The following CEP170B variants were observed in gnomAD, a reference collection of about 807,000 sequenced individuals.
CEP170B encodes centrosomal protein of 170 kDa protein B.
CEP170B carries 55 observed loss-of-function variants against 120.6 expected under a neutral mutation model. The ratio of observed to expected loss-of-function variants is 0.46; its 90% CI spans 0.37 to 0.57. The LOEUF is 0.57. CEP170B is among the 20% of genes least tolerant of loss of function. The probability of loss-of-function intolerance (pLI) is 0.00; values close to 1 mark genes in which losing one functional copy is unlikely to be tolerated. For synonymous variants in CEP170B, 1,033 were observed against 954.5 expected (o/e 1.08, Z -1.52); for missense variants, 2,212 against 2,253.3 (o/e 0.98, Z 0.37).
At position 104,886,501 on chromosome 14, in the gene CEP170B, C is replaced by G. The variant is rs376336852; in HGVS notation, c.2262C>G (p.Asp754Glu). 4 of 1,508,912 alleles carry G rather than the reference C, an allele frequency of 2.7e-6. No individual in the cohort carries two copies. The highest frequency in any genetic ancestry group is 3.5e-6 in the Non-Finnish European group (4 of 1,132,904). The allele number at this position is 1,508,912 out of a possible 1,614,324, so 93.5% of individuals were successfully genotyped here. ...PDSLSDASGS[D>E]GGRGPEPGVE... is the part of the protein sequence containing the mutation. ...GCCTCAGCGATGCCAGTGGGTCGGACGGGGGCCGAGGCCCCGAGCCAGGGG... is the reference window on the plus strand; with the variant it reads ...GCCTCAGCGATGCCAGTGGGTCGGAGGGGGGCCGAGGCCCCGAGCCAGGGG... The change falls in exon 12 of 19, where the codon GAC becomes GAG. Residue 754 changes from aspartate (D) to glutamate (E), a missense_variant. By Grantham distance (45) the Asp-to-Glu change is conservative. Around this residue, in one of 2 missense-constraint regions of CEP170B, gnomAD observed 2,166 missense variants for 2,166.7 expected, o/e 1.00. Coordinates refer to ENST00000414716, the MANE Select transcript of CEP170B (RefSeq NM_001112726.3).
rs75094851 is a variant in CEP170B, at chr14:104,880,485, C to T, written c.472+60C>T. Reference sequence around the variant, plus strand: ...AGGGCCACTGCCAGGCCCTCTGCCCCGCACCTGCCTCTCTGCACCCCTTAA... The same window carrying T: ...AGGGCCACTGCCAGGCCCTCTGCCCTGCACCTGCCTCTCTGCACCCCTTAA... On this transcript the variant is annotated intron_variant, in intron 6 of 18. Transcript: ENST00000414716. 581 of 1,580,264 alleles carry T rather than the reference C, an allele frequency of 3.7e-4. 5 individuals are homozygous for T. The East Asian group carries it at 0.013, about 34-fold the overall frequency.
chr14:104,876,695 G>A (rs964753793), intron 3 of CEP170B, among the ~76,000 whole-genome samples: 6 of 152,222 alleles, frequency 3.9e-5, no homozygotes, highest in Non-Finnish European at 7.3e-5. Flanking sequence ...GTCTCAGGCC[G>A]CCAAGGATCA....
intron 2 of CEP170B, among the ~76,000 whole-genome samples, chr14:104,874,217 G>A (rs984437506): frequency 6.6e-6 from 1 of 152,188 alleles, no homozygotes; most frequent in Admixed American, 6.5e-5. Flanking sequence ...AAGTCCAATG[G>A]AGGAGGTGAT....
At chr14:104,892,395 C>A (rs1378120909) in intron 13 of CEP170B, among the ~76,000 whole-genome samples, 4 of 152,154 alleles carry the variant, frequency 2.6e-5, no homozygotes, top group Non-Finnish European at 5.9e-5. Context: ...CTAGGCTGAG[C>A]TGCCATTGGC....
At chr14:104,869,818 C>T (rs1477024906) in intron 2 of CEP170B, among the ~76,000 whole-genome samples, 1 of 152,206 alleles carries the variant, frequency 6.6e-6, no homozygotes. Context: ...GCCTAGATCT[C>T]GGGCTTCCAG....
At chr14:104,878,018 A>G (rs1595328500) in intron 4 of CEP170B, 55 bp downstream of exon 4, 1 of 1,374,720 alleles carries the variant, frequency 7.3e-7, no homozygotes, top group Non-Finnish European at 1.0e-6. Flanking sequence ...CCCCAGGACC[A>G]CAGTCACCCT....
At chr14:104,875,974 A>T (rs147269803) in intron 2 of CEP170B, among the ~76,000 whole-genome samples, 4 of 152,236 alleles carry the variant, frequency 2.6e-5, no homozygotes, top group African/African-American at 7.2e-5. Context: ...CGTGTGCCAG[A>T]TGACCAGAGG....
In CEP170B at chr14:104,885,455, T is replaced by C. The variant is rs1364431550; in HGVS notation, c.1857T>C (p.Ser619=). Residue 619 remains serine, a synonymous_variant, in exon 10 of 19, where the codon TCT becomes TCC. Coordinates refer to ENST00000414716, the MANE Select transcript of CEP170B (RefSeq NM_001112726.3). The part of the protein sequence containing the change: ...RPVIRGDRDE[S]DDGGVAQRMA... ...TCATCAGAGGGGACAGAGATGAGTC[T>C]GATGACGGGGGCGTGGCCCAGCGGA... The C allele has an allele frequency of 6.4e-7, 1 of 1,563,542 alleles. No individual in the cohort carries two copies. Among genetic ancestry groups the C allele is most frequent in the East Asian group, 2.4e-5 (1 of 42,102 alleles).
At chr14:104,889,264 G>T (rs532333570) in intron 12 of CEP170B, among the ~76,000 whole-genome samples, 1 of 152,312 alleles carries the variant, frequency 6.6e-6, no homozygotes, top group South Asian at 2.1e-4. Flanking sequence ...CTGCTCCCGG[G>T]TTGCAGCCAC....
intron 2 of CEP170B, among the ~76,000 whole-genome samples, chr14:104,871,175 C>A (rs1045832654): frequency 6.6e-6 from 1 of 152,174 alleles, no homozygotes; most frequent in Admixed American, 6.5e-5. Context: ...GCTGCTTCCC[C>A]GAGGCCCTAT....
chr14:104,885,101 C>T (rs1466939845), intron 9 of CEP170B, among the ~76,000 whole-genome samples: 6 of 152,002 alleles, frequency 3.9e-5, no homozygotes, highest in Admixed American at 6.5e-5. Context: ...TGTCCTGCTC[C>T]GGCCCAGCCC....
rs1006296516 is a variant in CEP170B at position 104,865,908 on chromosome 14, C to T, written c.-28+395C>T. Among the ~76,000 whole-genome samples, 2 of 152,156 alleles carry T rather than the reference C, an allele frequency of 1.3e-5. No individual in the cohort carries two copies. The highest frequency in any genetic ancestry group is 1.5e-5 in the Non-Finnish European group (1 of 68,006). On this transcript the variant is annotated intron_variant, in intron 1 of 18. Coordinates refer to ENST00000414716, the MANE Select transcript of CEP170B (RefSeq NM_001112726.3). The surrounding 1 kb of genome is among the most constrained non-coding windows in gnomAD (Gnocchi z 6.7). ...CGGTCCCTCCCTCCGTCTTCCTCCT[C>T]CTCCCCTCTCTCCTCATTTCCCTTC... is the stretch of plus-strand genomic sequence containing the variant.
In CEP170B at chr14:104,883,171, GC is replaced by G; in HGVS notation, c.720del (p.Glu241ArgfsTer41). On this transcript the variant is annotated frameshift_variant, in exon 8 of 19. Transcript: ENST00000414716. LOFTEE classifies it high-confidence loss of function. Reference protein sequence around the residue: ...PTKETPQPSQPPEVPAHEMPT... With the variant: ...PTKETPQPSQXPEVPAHEMPT... ...CGAAGGAGACCCCGCAGCCGTCGCAGCCCCCCGAGGTGCCGGCACACGAGAT... is the reference window on the plus strand; with the variant it reads ...CGAAGGAGACCCCGCAGCCGTCGCAGCCCCCGAGGTGCCGGCACACGAGAT... The G allele has an allele frequency of 1.2e-6, 2 of 1,604,340 alleles. No homozygotes were observed.
chr14:104,865,151 C>A (rs540664791), upstream of CEP170B: 9,782 of 148,768 alleles, frequency 0.066, 499 homozygotes, highest in African/African-American at 0.14. This position sits in a 1 kb window ranked among gnomAD's most constrained non-coding sequence, Gnocchi z 6.7. Flanking sequence ...GGCCGCGGAC[C>A]CGCCCTAACC....
At chr14:104,871,338 C>T (rs936263379) in intron 2 of CEP170B, among the ~76,000 whole-genome samples, 3 of 152,026 alleles carry the variant, frequency 2.0e-5, no homozygotes, top group African/African-American at 7.3e-5. Flanking sequence ...TCCCTTCCAC[C>T]CGGGGTCCCC....
intron 2 of CEP170B, among the ~76,000 whole-genome samples, chr14:104,874,465 G>A (rs1157223964): frequency 6.6e-6 from 1 of 152,138 alleles, no homozygotes; most frequent in Non-Finnish European, 1.5e-5. Flanking sequence ...TCCCAGGGAG[G>A]GCATGTGGGG....
chr14:104,891,457 C>T lies in CEP170B; in HGVS notation c.3879-1519C>T, dbSNP rs970736739. On this transcript the variant is annotated intron_variant, in intron 13 of 18. Transcript: ENST00000414716. This position sits in a 1 kb window ranked among gnomAD's most constrained non-coding sequence, Gnocchi z 4.3. ...GGCGGCCCTTAGAGAGTGGCCCACA[C>T]TGGGGTGGAGGCGCAGGCACCTGAG... 1.3e-5 allele frequency among the ~76,000 whole-genome samples: 2 copies of T among 151,916 alleles called. No homozygotes were observed. Among genetic ancestry groups the T allele is most frequent in the African/African-American group, 4.8e-5 (2 of 41,304 alleles).
chr14:104,890,567 T>G (rs1595358039), intron 13 of CEP170B, among the ~76,000 whole-genome samples: 1 of 20,876 alleles, frequency 4.8e-5, no homozygotes, highest in Non-Finnish European at 1.4e-4. Flanking sequence ...GGTGGGTGGG[T>G]GGATGGATGG....
Position 104,883,171 on chromosome 14 carries a change from G to A in CEP170B, c.714G>A (p.Gln238=). 1 of 1,604,346 alleles carries A rather than the reference G, an allele frequency of 6.2e-7. No individual in the cohort carries two copies. Among genetic ancestry groups the A allele is most frequent in the African/African-American group, 1.4e-5 (1 of 72,818 alleles). Residue 238 remains glutamine (Q), a synonymous_variant, in exon 8 of 19, where the codon CAG becomes CAA. Coordinates refer to ENST00000414716, the MANE Select transcript of CEP170B (RefSeq NM_001112726.3). Reference sequence around the variant, plus strand: ...CGAAGGAGACCCCGCAGCCGTCGCAGCCCCCCGAGGTGCCGGCACACGAGA... The same window carrying A: ...CGAAGGAGACCCCGCAGCCGTCGCAACCCCCCGAGGTGCCGGCACACGAGA... ...IPTKETPQPS[Q]PPEVPAHEMP... is the part of the protein sequence containing the mutation.
Sources: gnomAD v4.1 joint callset for allele counts (sites outside exome capture counted in the v4.1 genomes callset) on GRCh38, gnomAD v4.1.1 for gene constraint, gnomAD v4.1.1 regional missense constraint, Gnocchi (gnomAD v3.1) non-coding constraint, MANE v1.5 for transcripts, NCBI Gene and HGNC (gene_info 2026-07-23, HGNC 2026-07-21) for gene names.